ALK: variants seen among roughly 807,000 people sequenced by gnomAD.
ALK encodes ALK tyrosine kinase receptor.
Under a neutral mutation model 163.1 loss-of-function variants are expected in ALK, and 74 were observed. That is an observed-to-expected ratio of 0.45 (90% CI 0.38 to 0.55). The LOEUF is 0.55. Ranked by LOEUF, ALK falls within the 20% of genes least tolerant of loss-of-function variation. The pLI is 0.00. For missense variants in ALK, 2,063 were observed against 2,105.3 expected (o/e 0.98, Z 0.39); for synonymous variants, 960 against 843.2 (o/e 1.14, Z -2.40).
intron 1 of ALK, among the ~76,000 whole-genome samples, chr2:29,859,774 C>A (rs947469205): frequency 2.0e-5 from 3 of 152,098 alleles, no homozygotes; most frequent in African/African-American, 7.2e-5. Flanking sequence ...CACATAGGGA[C>A]TGAGTTACTG....
At chr2:29,225,614 T>C in intron 18 of ALK, 49 bp from the exon 19 acceptor site, 1 of 1,508,730 alleles carries the variant, frequency 6.6e-7, no homozygotes, top group South Asian at 1.2e-5. Flanking sequence ...CAGGTCTCCT[T>C]TGAGTTGGTC....
chr2:29,541,313 T>C (rs964070467), intron 3 of ALK, among the ~76,000 whole-genome samples: 8 of 152,228 alleles, frequency 5.3e-5, no homozygotes, highest in African/African-American at 1.9e-4. Context: ...ATGTGAAACA[T>C]TTTTTGTTCG....
intron 3 of ALK, among the ~76,000 whole-genome samples, chr2:29,541,624 G>A (rs113728717): frequency 6.6e-6 from 1 of 152,088 alleles, no homozygotes; most frequent in African/African-American, 2.4e-5. Flanking sequence ...TTCAAAGTGG[G>A]GACTGAAGGA....
At chr2:29,734,327 G>A (rs964147054) in intron 1 of ALK, among the ~76,000 whole-genome samples, 1 of 152,116 alleles carries the variant, frequency 6.6e-6, no homozygotes, top group African/African-American at 2.4e-5. Context: ...AAAGAGAAGA[G>A]ACTGTCTAAC....
chr2:29,752,816 G>A (rs1307688163), intron 1 of ALK, among the ~76,000 whole-genome samples: 1 of 152,140 alleles, frequency 6.6e-6, no homozygotes, highest in Non-Finnish European at 1.5e-5. Context: ...TGTCATCTGA[G>A]CCAGCTCTGC....
intron 1 of ALK, among the ~76,000 whole-genome samples, chr2:29,821,485 G>A (rs1050293844): frequency 3.3e-5 from 5 of 152,140 alleles, no homozygotes; most frequent in Admixed American, 1.3e-4. Flanking sequence ...AGGGCCAAGA[G>A]GTTCTCATAT....
intron 1 of ALK, among the ~76,000 whole-genome samples, chr2:29,800,470 A>G (rs1664438856): frequency 6.6e-6 from 1 of 152,220 alleles, no homozygotes; most frequent in Non-Finnish European, 1.5e-5. Flanking sequence ...TGTTGGGACT[A>G]TGCAGAGGAT....
chr2:29,215,255 C>T (rs1365629372), intron 23 of ALK, among the ~76,000 whole-genome samples: 1 of 152,168 alleles, frequency 6.6e-6, no homozygotes, highest in Non-Finnish European at 1.5e-5. Context: ...CAGGCGGCAG[C>T]GGTGGAACCA....
At chr2:29,887,495 TCAAA>T (rs1166643245) in intron 1 of ALK, among the ~76,000 whole-genome samples, 1 of 152,088 alleles carries the variant, frequency 6.6e-6, no homozygotes, top group Non-Finnish European at 1.5e-5. Flanking sequence ...ACACTATTAG[TCAAA>T]CAGTCACAAG....
chr2:29,761,248 C>A (rs190454455), intron 1 of ALK, among the ~76,000 whole-genome samples: 1 of 152,060 alleles, frequency 6.6e-6, no homozygotes, highest in South Asian at 2.1e-4. Flanking sequence ...AAATTTGGGA[C>A]GTAGTAAAGT....
At chr2:29,791,632 A>G (rs763976710) in intron 1 of ALK, among the ~76,000 whole-genome samples, 1 of 150,624 alleles carries the variant, frequency 6.6e-6, no homozygotes, top group Non-Finnish European at 1.5e-5. Context: ...TATAATTAAA[A>G]ATATATATAT....
chr2:29,396,195 A>G (rs1475767943), intron 4 of ALK, among the ~76,000 whole-genome samples: 1 of 152,080 alleles, frequency 6.6e-6, no homozygotes, highest in Non-Finnish European at 1.5e-5. Context: ...CTTATACTCC[A>G]TGGTGGCAAG....
In ALK at chr2:29,197,687, G is replaced by A. The variant is rs771308439; in HGVS notation, c.3939-11C>T. 1 of 1,611,894 alleles carries A rather than the reference G, an allele frequency of 6.2e-7. No homozygotes were observed. Among genetic ancestry groups the A allele is most frequent in the Non-Finnish European group, 8.5e-7 (1 of 1,178,318 alleles). ...AGCACTCCAAAGGACCTGGGCATGG[G>A]ACAGAGGACATGGAGATGGATATAG... On this transcript the variant is annotated splice_polypyrimidine_tract_variant and intron_variant, in intron 26 of 28. Coordinates refer to ENST00000389048, the MANE Select transcript of ALK (RefSeq NM_004304.5).
chr2:29,335,171 G>A (rs1337204030), intron 5 of ALK, among the ~76,000 whole-genome samples: 1 of 152,070 alleles, frequency 6.6e-6, no homozygotes, highest in Non-Finnish European at 1.5e-5. Flanking sequence ...ACACCTAAAT[G>A]CCCTAATAGG....
chr2:29,747,828 C>A (rs975998426), intron 1 of ALK, among the ~76,000 whole-genome samples: 3 of 152,174 alleles, frequency 2.0e-5, no homozygotes, highest in African/African-American at 7.2e-5. Flanking sequence ...AAGTCTAGAG[C>A]CTGTCATGGC....
At chr2:29,231,230 C>T (rs1305819381) in intron 15 of ALK, among the ~76,000 whole-genome samples, 2 of 152,090 alleles carry the variant, frequency 1.3e-5, no homozygotes, top group African/African-American at 2.4e-5. Context: ...CCCAGCTACT[C>T]GGGAGGCTGA....
intron 1 of ALK, among the ~76,000 whole-genome samples, chr2:29,751,112 A>G (rs2148330973): frequency 6.6e-6 from 1 of 152,206 alleles, no homozygotes; most frequent in Middle Eastern, 3.4e-3. Flanking sequence ...GAAGAAAGAA[A>G]GGTTACAGTA....
intron 8 of ALK, among the ~76,000 whole-genome samples, chr2:29,304,162 C>T (rs1666441696): frequency 6.6e-6 from 1 of 152,146 alleles, no homozygotes; most frequent in African/African-American, 2.4e-5. Flanking sequence ...AGAGTGTGGT[C>T]CTCAGACTGG....
At chr2:29,892,701 C>T (rs959536635) in intron 1 of ALK, among the ~76,000 whole-genome samples, 9 of 152,176 alleles carry the variant, frequency 5.9e-5, no homozygotes, top group East Asian at 1.9e-4. Flanking sequence ...TGACCACCCA[C>T]GCTAGAGCCC....
Sources: gnomAD v4.1 joint callset for allele counts (sites outside exome capture counted in the v4.1 genomes callset) on GRCh38, gnomAD v4.1.1 for gene constraint, MANE v1.5 for transcripts, NCBI Gene and HGNC (gene_info 2026-07-23, HGNC 2026-07-21) for gene names.